Variants in PARP12 observed in about 807,000 individuals in gnomAD.
PARP12 encodes protein mono-ADP-ribosyltransferase PARP12.
In PARP12, 59 loss-of-function variants were observed where a neutral mutation model predicts 72.4. The observed-to-expected ratio is 0.81, with a 90% CI of 0.66 to 1.01. The LOEUF (loss-of-function observed/expected upper bound fraction) is 1.01. Among genes scored for constraint, PARP12 ranks in the 50% least tolerant of loss-of-function variants. The probability of loss-of-function intolerance (pLI) is 0.00; values close to 1 mark genes in which losing one functional copy is unlikely to be tolerated. For synonymous variants in PARP12, 403 were observed against 371.4 expected, an observed-to-expected ratio of 1.09 and a Z score of -0.98; for missense variants, 851 against 914.0, an observed-to-expected ratio of 0.93 and a Z score of 0.89.
chr7:140,036,930 G>C (rs1816225104), intron 7 of PARP12, among the ~76,000 whole-genome samples: 1 of 152,154 alleles, frequency 6.6e-6, no homozygotes, highest in Non-Finnish European at 1.5e-5. Flanking sequence ...CCCAGCCTCA[G>C]GACACCATGA....
intron 4 of PARP12, among the ~76,000 whole-genome samples, chr7:140,052,268 C>G (rs1816994807): frequency 1.3e-5 from 2 of 152,218 alleles, no homozygotes; most frequent in African/African-American, 4.8e-5. Flanking sequence ...ATAAACTGAA[C>G]TAATCAAGAT....
intron 5 of PARP12, among the ~76,000 whole-genome samples, chr7:140,043,148 C>T (rs1159277295): frequency 2.0e-5 from 3 of 152,080 alleles, no homozygotes; most frequent in African/African-American, 7.2e-5. Flanking sequence ...GAGCTGAGAC[C>T]GCACCACTGC....
Position 140,049,993 on chromosome 7 carries a change from C to T in PARP12, c.863-2986G>A, listed in dbSNP as rs141640218. 5.7e-3 allele frequency among the ~76,000 whole-genome samples: 868 copies of T among 152,176 alleles called. 3 individuals are homozygous for T. Among genetic ancestry groups the T allele is most frequent in the Non-Finnish European group, 9.8e-3 (666 of 67,994 alleles). ...TTGGCAGACAAAACACCACATCCAC[C>T]CCAGCCCTTCCTCCCTATAGTCCTT... On this transcript the variant is annotated intron_variant, in intron 4 of 11. Transcript: ENST00000263549.
intron 8 of PARP12, among the ~76,000 whole-genome samples, chr7:140,030,841 T>C (rs1484382333): frequency 6.6e-6 from 1 of 152,230 alleles, no homozygotes. Flanking sequence ...TAGTGTATTT[T>C]ATGTGTGGAC....
chr7:140,024,092 G>A lies in PARP12; in HGVS notation c.*468C>T, dbSNP rs1815628087. ...AGCCACAGCAGAGCTGCCTGGGTTGGTGTCAGAGCAACAGGCAGAAGTGAC... is the reference window on the plus strand; with the variant it reads ...AGCCACAGCAGAGCTGCCTGGGTTGATGTCAGAGCAACAGGCAGAAGTGAC... On this transcript the variant is annotated 3_prime_UTR_variant, in exon 12 of 12. Transcript: ENST00000263549. The A allele has an allele frequency of 3.8e-6, 1 of 262,232 alleles. No homozygotes were observed. Among genetic ancestry groups the A allele is most frequent in the African/African-American group, 2.3e-5 (1 of 44,214 alleles). The allele number at this position is 262,232 out of a possible 1,614,324, so 16.2% of individuals were successfully genotyped here.
intron 6 of PARP12, among the ~76,000 whole-genome samples, chr7:140,040,297 G>A (rs1816407133): frequency 6.6e-6 from 1 of 152,164 alleles, no homozygotes; most frequent in Admixed American, 6.5e-5. Flanking sequence ...GAGTCCCACA[G>A]GGCAGGTCAG....
At chr7:140,043,102 G>A (rs549063033) in intron 5 of PARP12, among the ~76,000 whole-genome samples, 1 of 152,308 alleles carries the variant, frequency 6.6e-6, no homozygotes, top group African/African-American at 2.4e-5. Flanking sequence ...GCTGAGGCAG[G>A]AGAATGGCAT....
At chr7:140,062,437 T>C (rs905751579) in intron 1 of PARP12, 85 bp downstream of exon 1, 39 of 1,360,362 alleles carry the variant, frequency 2.9e-5, no homozygotes, top group Non-Finnish European at 3.5e-5. Flanking sequence ...CTGCTCAAAC[T>C]TCAAGTAGGA....
chr7:140,029,320 T>C (rs562416919), intron 8 of PARP12, among the ~76,000 whole-genome samples: 2 of 152,154 alleles, frequency 1.3e-5, no homozygotes, highest in Non-Finnish European at 2.9e-5. Context: ...AAAAATTAAA[T>C]AAAAGCAGTT....
rs1817287737 is a variant in PARP12 at position 140,058,492 on chromosome 7, T to A, written c.327-458A>T. Among the ~76,000 whole-genome samples, 7 of 147,848 alleles carry A rather than the reference T, an allele frequency of 4.7e-5. No homozygotes were observed. In the South Asian group the frequency reaches 1.3e-3, roughly 27 times the overall value. On this transcript the variant is annotated intron_variant, in intron 1 of 11. Transcript: ENST00000263549. ...TCCAGCCTGGGCAACAGAGTGAGAC[T>A]CAGTCTCAAAAAAAAAAAAAAGAAG...
At position 140,026,266 on chromosome 7, in the gene PARP12, C is replaced by T; in HGVS notation, c.1711G>A (p.Val571Met). Residue 571 changes from valine to methionine, a missense_variant, in exon 11 of 12, where the codon GTG becomes ATG. Val to Met is a conservative substitution (Grantham distance 21, BLOSUM62 1). Transcript: ENST00000263549. ...QLFHGTSAIF[V>M]DAICQQNFDW... The stretch of plus-strand genomic sequence containing the variant: ...AAGTTCTGCTGGCAGATGGCGTCCA[C>T]AAAAATGGCGCTGGTGCCGTGGAAC... 1 of 1,614,012 alleles carries T rather than the reference C, an allele frequency of 6.2e-7. No homozygotes were observed.
intron 6 of PARP12, chr7:140,038,429 G>A (rs1441566732): frequency 4.2e-6 from 2 of 480,588 alleles, no homozygotes; most frequent in African/African-American, 2.1e-5. Flanking sequence ...TCCCAAACCT[G>A]CTGGCTCTAT....
At chr7:140,049,543 C>A (rs1354285176) in intron 4 of PARP12, among the ~76,000 whole-genome samples, 1 of 152,166 alleles carries the variant, frequency 6.6e-6, no homozygotes, top group Non-Finnish European at 1.5e-5. Context: ...CCTACAAACC[C>A]CAGGCACAGG....
chr7:140,026,857 A>C (rs538216849), intron 10 of PARP12, among the ~76,000 whole-genome samples: 1 of 152,288 alleles, frequency 6.6e-6, no homozygotes, highest in African/African-American at 2.4e-5. Flanking sequence ...ATTCCTCCCC[A>C]CATAGACAGG....
Position 140,062,692 on chromosome 7 carries a change from CG to C in PARP12, c.155del (p.Ala52GlyfsTer55). ...LLRQRGRFVVAVRAGGAAAAP... is the reference protein window; with the variant it reads ...LLRQRGRFVVXVRAGGAAAAP... The stretch of plus-strand genomic sequence containing the variant: ...CCGCGGCTGCGCCGCCCGCCCGCAC[CG>C]CCACCACGAAGCGCCCACGCTGCCG... On this transcript the variant is annotated frameshift_variant, in exon 1 of 12. Transcript: ENST00000263549. LOFTEE classifies it high-confidence loss of function. The C allele has an allele frequency of 7.7e-7, 1 of 1,303,640 alleles. No individual in the cohort carries two copies. Among genetic ancestry groups the C allele is most frequent in the Non-Finnish European group, 9.8e-7 (1 of 1,023,428 alleles). 80.8% of individuals were successfully genotyped at this position (1,303,640 alleles called of 1,614,324 possible).
intron 11 of PARP12, among the ~76,000 whole-genome samples, chr7:140,025,954 C>T (rs1306874490): frequency 6.6e-6 from 1 of 152,200 alleles, no homozygotes; most frequent in African/African-American, 2.4e-5. Flanking sequence ...GGCCTCTGCT[C>T]CACAGGGAAG....
chr7:140,041,563 C>T (rs933434641), intron 6 of PARP12, 81 bp downstream of exon 6: 23 of 1,410,046 alleles, frequency 1.6e-5, no homozygotes, highest in Non-Finnish European at 1.4e-5. Context: ...ATGCCCCTGG[C>T]AACAATATGG....
chr7:140,041,940 G>A, intron 5 of PARP12, 101 bp from the exon 6 acceptor site: 1 of 1,015,810 alleles, frequency 9.8e-7, no homozygotes, highest in Non-Finnish European at 1.5e-6. Context: ...AATAGTAAAT[G>A]TGGCATGCAC....
intron 5 of PARP12, among the ~76,000 whole-genome samples, chr7:140,042,509 C>T (rs1174905123): frequency 2.0e-5 from 3 of 152,120 alleles, no homozygotes; most frequent in East Asian, 1.9e-4. Flanking sequence ...AGGGCAGTAT[C>T]GATGAGTAAC....
Sources: gnomAD v4.1 joint callset for allele counts (sites outside exome capture counted in the v4.1 genomes callset) on GRCh38, gnomAD v4.1.1 for gene constraint, MANE v1.5 for transcripts, NCBI Gene and HGNC (gene_info 2026-07-23, HGNC 2026-07-21) for gene names.